The following DNAAF9 variants were observed in gnomAD, a reference collection of about 807,000 sequenced individuals.
DNAAF9 encodes dynein axonemal assembly factor 9.
Under a neutral mutation model 167.0 loss-of-function variants are expected in DNAAF9, and 90 were observed. The observed-to-expected ratio is 0.54, with a 90% CI of 0.45 to 0.64. DNAAF9 has a LOEUF of 0.64. Among genes scored for constraint, DNAAF9 ranks in the 30% least tolerant of loss-of-function variants. The pLI, the probability that DNAAF9 is intolerant of heterozygous loss-of-function variation, is 0.00. For synonymous variants in DNAAF9, 491 were observed against 508.8 expected (o/e 0.96, Z 0.47); for missense variants, 1,315 against 1,442.2 (o/e 0.91, Z 1.43).
In DNAAF9 at chr20:3,318,444, A is replaced by G. The variant is rs750810952; in HGVS notation, c.1357-44T>C. 56 of 941,704 alleles carry G rather than the reference A, an allele frequency of 5.9e-5. No individual in the cohort carries two copies. The Middle Eastern group carries it at 2.1e-3, about 36-fold the overall frequency. The allele number at this position is 941,704 out of a possible 1,614,324, so 58.3% of individuals were successfully genotyped here. ...CAGTTAGATCAGTTACCAGCCCAAA[A>G]CTTTCAGAGAAGTCCATAAGAATGA... On this transcript the variant is annotated intron_variant, in intron 16 of 36. Coordinates refer to ENST00000252032, the MANE Select transcript of DNAAF9 (RefSeq NM_001009984.3).
chr20:3,319,827 T>C (rs1004595048), intron 16 of DNAAF9, among the ~76,000 whole-genome samples: 2 of 152,228 alleles, frequency 1.3e-5, no homozygotes, highest in East Asian at 3.8e-4. Flanking sequence ...GGCGTCTATA[T>C]TTGAATTAAC....
At chr20:3,311,165 G>C (rs1194822800) in intron 20 of DNAAF9, among the ~76,000 whole-genome samples, 1 of 152,146 alleles carries the variant, frequency 6.6e-6, no homozygotes, top group Admixed American at 6.6e-5. Context: ...TTTAGAGTTA[G>C]GGTCTTGCTC....
rs187026013 is a variant in DNAAF9 at position 3,318,125 on chromosome 20, C to T, written c.1468+164G>A. Reference sequence around the variant, plus strand: ...TTCTCTTTTTTTTTTTTTTTTGATACGGGGTCTCACTGTGTCACTGAGGCT... The same window carrying T: ...TTCTCTTTTTTTTTTTTTTTTGATATGGGGTCTCACTGTGTCACTGAGGCT... On this transcript the variant is annotated intron_variant, in intron 17 of 36. Coordinates refer to ENST00000252032, the MANE Select transcript of DNAAF9 (RefSeq NM_001009984.3). Among the ~76,000 whole-genome samples the T allele has an allele frequency of 2.4e-3, 311 of 127,602 alleles. 2 individuals carry two copies. The highest frequency in any genetic ancestry group is 4.0e-3 in the Non-Finnish European group (249 of 61,620). 83.7% of individuals were successfully genotyped at this position (127,602 alleles called of 152,430 possible).
At chr20:3,339,565 C>G (rs2070037284) in intron 10 of DNAAF9, among the ~76,000 whole-genome samples, 1 of 152,134 alleles carries the variant, frequency 6.6e-6, no homozygotes, top group South Asian at 2.1e-4. Flanking sequence ...CTTAGATGTA[C>G]CTTGCAGCTC....
rs902746894 is a variant in DNAAF9, at chr20:3,383,622, A to T, written c.84-1116T>A. Among the ~76,000 whole-genome samples the T allele has an allele frequency of 2.0e-5, 3 of 151,434 alleles. No homozygotes were observed. The East Asian group carries it at 5.8e-4, about 29-fold the overall frequency. On this transcript the variant is annotated intron_variant, in intron 1 of 36. Transcript: ENST00000252032. Reference sequence around the variant, plus strand: ...TCCCAGTCCTACTACATCATTATTAACTAAGAGCCTCTACAAACCAACTAC... The same window carrying T: ...TCCCAGTCCTACTACATCATTATTATCTAAGAGCCTCTACAAACCAACTAC...
At chr20:3,298,420 T>C (rs1033437331) in intron 21 of DNAAF9, among the ~76,000 whole-genome samples, 6 of 152,142 alleles carry the variant, frequency 3.9e-5, no homozygotes, top group African/African-American at 1.4e-4. Context: ...AGCCATCAAG[T>C]GATCCTTCTA....
intron 4 of DNAAF9, 72 bp from the exon 5 acceptor site, chr20:3,375,198 T>G (rs2083559720): frequency 1.0e-6 from 1 of 971,382 alleles, no homozygotes; most frequent in African/African-American, 1.6e-5. Context: ...TTCTCTGCAT[T>G]TTGTCAACCA....
chr20:3,304,657 G>A (rs1029028872), intron 20 of DNAAF9, 114 bp from the exon 21 acceptor site: 13 of 635,522 alleles, frequency 2.0e-5, no homozygotes, highest in South Asian at 7.7e-5. Context: ...TAGCAATTAC[G>A]TTATGCGATT....
intron 1 of DNAAF9, among the ~76,000 whole-genome samples, chr20:3,393,349 C>T (rs1178478574): frequency 3.3e-5 from 5 of 151,616 alleles, no homozygotes; most frequent in African/African-American, 1.2e-4. Flanking sequence ...CCTATCTCTA[C>T]AAAAAATTAG....
intron 33 of DNAAF9, among the ~76,000 whole-genome samples, chr20:3,257,738 CTT>C (rs1470820922): frequency 6.6e-6 from 1 of 151,142 alleles, no homozygotes; most frequent in African/African-American, 2.4e-5. Context: ...GAGTTTTGCT[CTT>C]GTTGCCCAAG....
intron 25 of DNAAF9, among the ~76,000 whole-genome samples, chr20:3,292,272 T>C (rs1020836077): frequency 6.6e-6 from 1 of 152,034 alleles, no homozygotes; most frequent in African/African-American, 2.4e-5. Context: ...AGTGCTGGGA[T>C]TACAGGCATG....
chr20:3,268,432 G>A (rs1256444661), intron 30 of DNAAF9, among the ~76,000 whole-genome samples: 1 of 151,810 alleles, frequency 6.6e-6, no homozygotes, highest in Non-Finnish European at 1.5e-5. Context: ...GGGTTTAAGC[G>A]ATTCTCTTGC....
rs773726927 is a variant in DNAAF9 at position 3,294,202 on chromosome 20, G to A, written c.2175C>T (p.Thr725=). Residue 725 remains threonine (T), a synonymous_variant, in exon 25 of 37, where the codon ACC becomes ACT. Coordinates refer to ENST00000252032, the MANE Select transcript of DNAAF9 (RefSeq NM_001009984.3). ...CTTGCTGCAGCAGCACAGGAAGATG[G>A]GTCCGCATCACAGGCTCCTGGCTAA... The part of the protein sequence containing the change: ...SSISQEPVMR[T]HLPVLLQQAE... The A allele has an allele frequency of 1.2e-6, 2 of 1,613,464 alleles. No individual in the cohort carries two copies. Among genetic ancestry groups the A allele is most frequent in the Non-Finnish European group, 1.7e-6 (2 of 1,179,456 alleles).
chr20:3,387,883 G>GAAAAAAA (rs2083769145), intron 1 of DNAAF9, among the ~76,000 whole-genome samples: 2 of 21,850 alleles, frequency 9.2e-5, no homozygotes, highest in Non-Finnish European at 1.5e-4. Flanking sequence ...TCTACAAAAA[G>GAAAAAAA]TAAAAAAAAA....
chr20:3,333,938 T>C (rs1029075201), intron 10 of DNAAF9, among the ~76,000 whole-genome samples: 1 of 152,196 alleles, frequency 6.6e-6, no homozygotes, highest in African/African-American at 2.4e-5. Flanking sequence ...AATAAGTAAC[T>C]GTCTAAACCT....
At chr20:3,380,098 T>C (rs2083627826) in intron 3 of DNAAF9, among the ~76,000 whole-genome samples, 1 of 152,160 alleles carries the variant, frequency 6.6e-6, no homozygotes, top group African/African-American at 2.4e-5. Flanking sequence ...AAAGCACACC[T>C]TTAAGAATTT....
chr20:3,361,832 A>C (rs1600857531), intron 6 of DNAAF9: 1 of 1,427,648 alleles, frequency 7.0e-7, no homozygotes, highest in East Asian at 2.3e-5. Context: ...AGACTGCTTA[A>C]ATCGAATGTT....
At chr20:3,360,693 A>G (rs2083350417) in intron 6 of DNAAF9, among the ~76,000 whole-genome samples, 2 of 152,156 alleles carry the variant, frequency 1.3e-5, no homozygotes, top group Non-Finnish European at 2.9e-5. Context: ...AAACCAAGGC[A>G]TGCACCGGAT....
chr20:3,323,901 G>A (rs190250241), intron 14 of DNAAF9, among the ~76,000 whole-genome samples: 3 of 152,362 alleles, frequency 2.0e-5, no homozygotes, highest in East Asian at 3.9e-4. Flanking sequence ...AGCAGATACA[G>A]ACAGTTCCTA....
Sources: gnomAD v4.1 joint callset for allele counts (sites outside exome capture counted in the v4.1 genomes callset) on GRCh38, gnomAD v4.1.1 for gene constraint, MANE v1.5 for transcripts, NCBI Gene and HGNC (gene_info 2026-07-23, HGNC 2026-07-21) for gene names.